CD200R1: variants seen among roughly 807,000 people sequenced by gnomAD.
CD200R1 encodes the protein CD200 receptor 1, also known as cell surface glycoprotein CD200 receptor 1.
A neutral mutation model predicts 38.1 loss-of-function variants in CD200R1; 30 were observed. That is an observed-to-expected ratio of 0.79 (90% CI 0.59 to 1.07). CD200R1 has a LOEUF of 1.07. Among genes scored for constraint, CD200R1 ranks in the 50% least tolerant of loss-of-function variants. The pLI, the probability that CD200R1 is intolerant of heterozygous loss-of-function variation, is 0.00. For missense variants in CD200R1, 372 were observed against 415.4 expected, an observed-to-expected ratio of 0.90 and a Z score of 0.91; for synonymous variants, 128 against 152.1, an observed-to-expected ratio of 0.84 and a Z score of 1.16.
chr3:112,975,002 T>G lies in CD200R1; in HGVS notation c.-145A>C, dbSNP rs1933407626. 1.6e-6 allele frequency: 1 copy of G among 644,832 alleles called. No individual in the cohort carries two copies. Among genetic ancestry groups the G allele is most frequent in the Non-Finnish European group, 2.8e-6 (1 of 360,826 alleles). 39.9% of individuals were successfully genotyped at this position (644,832 alleles called of 1,614,324 possible). A position where few individuals can be genotyped will look rare whatever the true frequency, so the allele number is the denominator to read the frequency against. On this transcript the variant is annotated 5_prime_UTR_variant, in exon 1 of 8. Coordinates refer to ENST00000308611, the MANE Select transcript of CD200R1 (RefSeq NM_138806.4). ...CATCAACAGTGGGGCACTCCCTTCC[T>G]TCTAGCCCCTTCCTTCACGTCTATG...
Position 112,924,960 on chromosome 3 carries a change from C to A in CD200R1, c.878+125G>T, listed in dbSNP as rs1940248680. ...GTAGTCCAAGTCTATCTAACACCTTCAAGATTTGATTATGGGAGATTTGAT... is the reference window on the plus strand; with the variant it reads ...GTAGTCCAAGTCTATCTAACACCTTAAAGATTTGATTATGGGAGATTTGAT... On this transcript the variant is annotated intron_variant, in intron 6 of 7. Coordinates refer to ENST00000308611, the MANE Select transcript of CD200R1 (RefSeq NM_138806.4). 3 of 676,192 alleles carry A rather than the reference C, an allele frequency of 4.4e-6. No homozygotes were observed. In the South Asian group the frequency reaches 5.3e-5, roughly 12 times the overall value. 41.9% of individuals were successfully genotyped at this position (676,192 alleles called of 1,614,324 possible).
chr3:112,953,848 T>G (rs1471910332), intron 1 of CD200R1, among the ~76,000 whole-genome samples: 1 of 152,120 alleles, frequency 6.6e-6, no homozygotes, highest in African/African-American at 2.4e-5. Flanking sequence ...TTTCTCAATT[T>G]ATCAGCTATA....
intron 5 of CD200R1, among the ~76,000 whole-genome samples, chr3:112,927,036 C>T (rs1251605408): frequency 6.6e-6 from 1 of 152,066 alleles, no homozygotes; most frequent in African/African-American, 2.4e-5. Context: ...GTCTTGAGAA[C>T]AGGCAGGTTC....
At chr3:112,941,855 C>CTACCAAGGTACCTTCT (rs1940735979) in intron 2 of CD200R1, among the ~76,000 whole-genome samples, 1 of 151,238 alleles carries the variant, frequency 6.6e-6, no homozygotes, top group African/African-American at 2.4e-5. Context: ...AACACCTTAC[C>CTACCAAGGTACCTTCT]TACCAAGAAG....
intron 6 of CD200R1, among the ~76,000 whole-genome samples, chr3:112,924,781 A>G (rs182038485): frequency 6.6e-6 from 1 of 152,228 alleles, no homozygotes; most frequent in East Asian, 1.9e-4. Flanking sequence ...GAATGCATGT[A>G]ACATCTCCTC....
At chr3:112,932,621 A>AC (rs1264741832) in intron 2 of CD200R1, among the ~76,000 whole-genome samples, 1 of 151,370 alleles carries the variant, frequency 6.6e-6, no homozygotes, top group East Asian at 1.9e-4. Flanking sequence ...TGGCAGATAC[A>AC]CCCCCATGAC....
At position 112,925,160 on chromosome 3, in the gene CD200R1, A is replaced by G; in HGVS notation, c.803T>C (p.Ile268Thr). Residue 268 changes from isoleucine to threonine, a missense_variant, in exon 6 of 8, where the codon ATT (isoleucine) becomes ACT (threonine). Coordinates refer to ENST00000308611, the MANE Select transcript of CD200R1 (RefSeq NM_138806.4). Reference protein sequence around the residue: ...PGAKKSAKLYIPYIILTIIIL... With the variant: ...PGAKKSAKLYTPYIILTIIIL... ...AATAATAGTAAGGATGATATATGGAATATATAATTTTGCTGATTTTTTGGC... is the reference window on the plus strand; with the variant it reads ...AATAATAGTAAGGATGATATATGGAGTATATAATTTTGCTGATTTTTTGGC... 1 of 1,605,200 alleles carries G rather than the reference A, an allele frequency of 6.2e-7. No individual in the cohort carries two copies. The highest frequency in any genetic ancestry group is 8.5e-7 in the Non-Finnish European group (1 of 1,173,478).
chr3:112,965,702 A>G (rs1487258996), intron 1 of CD200R1, among the ~76,000 whole-genome samples: 2 of 152,128 alleles, frequency 1.3e-5, no homozygotes, highest in African/African-American at 4.8e-5. Context: ...CAGAGGTTGC[A>G]GTTAGCCGAG....
chr3:112,973,433 A>G (rs1933358660), intron 1 of CD200R1, among the ~76,000 whole-genome samples: 1 of 152,226 alleles, frequency 6.6e-6, no homozygotes, highest in Admixed American at 6.5e-5. Context: ...ACTGATGTAT[A>G]TCATTACTGA....
In CD200R1 at chr3:112,925,070, T is replaced by C. The variant is rs958116619; in HGVS notation, c.878+15A>G. 4 of 1,441,876 alleles carry C rather than the reference T, an allele frequency of 2.8e-6. No homozygotes were observed. In the African/African-American group the frequency reaches 4.2e-5, roughly 15 times the overall value. 89.3% of individuals were successfully genotyped at this position (1,441,876 alleles called of 1,614,324 possible). On this transcript the variant is annotated intron_variant, in intron 6 of 7. Transcript: ENST00000308611. The stretch of plus-strand genomic sequence containing the variant: ...AATAAAGCTGAAGAAGAAAAAAACA[T>C]TCATTAGTCAATACCTGCAGCCATT...
At chr3:112,959,121 G>C (rs1020496213) in intron 1 of CD200R1, among the ~76,000 whole-genome samples, 1 of 152,064 alleles carries the variant, frequency 6.6e-6, no homozygotes, top group Non-Finnish European at 1.5e-5. Flanking sequence ...TTTCTGCAAC[G>C]TCACCATTCC....
At position 112,961,773 on chromosome 3, in the gene CD200R1, A is replaced by T. The variant is rs565965926; in HGVS notation, c.67+13018T>A. Among the ~76,000 whole-genome samples the T allele has an allele frequency of 2.6e-5, 4 of 152,282 alleles. No homozygotes were observed. In the South Asian group the frequency reaches 8.3e-4, roughly 32 times the overall value. ...CAACATTTAAAACAAAGAAAGATTAATTTTCTTCAAAAAATATGCTGAAAA... is the reference window on the plus strand; with the variant it reads ...CAACATTTAAAACAAAGAAAGATTATTTTTCTTCAAAAAATATGCTGAAAA... On this transcript the variant is annotated intron_variant, in intron 1 of 7. Transcript: ENST00000308611.
In CD200R1 at chr3:112,928,850, A is replaced by G. The variant is rs1253091648; in HGVS notation, c.735T>C (p.Thr245=). 1 of 1,613,646 alleles carries G rather than the reference A, an allele frequency of 6.2e-7. No individual in the cohort carries two copies. ...GCTCTATGTACAGACTCTTGTTGCC[A>G]GTCAAATGGGAGACGTGGCAGGTCA... ...STVTCHVSHL[T]GNKSLYIELL... Residue 245 remains threonine (T), a synonymous_variant, in exon 5 of 8, where the codon ACT becomes ACC. Transcript: ENST00000308611.
intron 1 of CD200R1, among the ~76,000 whole-genome samples, chr3:112,959,425 G>A (rs1932961141): frequency 6.6e-6 from 1 of 152,084 alleles, no homozygotes; most frequent in Non-Finnish European, 1.5e-5. Flanking sequence ...CTGCAAAAGA[G>A]AACAGTGTAT....
chr3:112,928,662 CCTCAA>C (rs1940335649), intron 5 of CD200R1, among the ~76,000 whole-genome samples, 149 bp downstream of exon 5: 1 of 152,136 alleles, frequency 6.6e-6, no homozygotes, highest in Admixed American at 6.6e-5. Context: ...GTACTATTCT[CCTCAA>C]CTCATCTCTT....
intron 1 of CD200R1, among the ~76,000 whole-genome samples, chr3:112,959,753 C>A (rs971264294): frequency 5.3e-5 from 8 of 151,988 alleles, no homozygotes; most frequent in African/African-American, 1.9e-4. Flanking sequence ...AAGTTTCTTT[C>A]AAACTTTAAT....
intron 2 of CD200R1, among the ~76,000 whole-genome samples, chr3:112,945,293 G>A (rs1940822355): frequency 6.6e-6 from 1 of 152,146 alleles, no homozygotes; most frequent in African/African-American, 2.4e-5. Context: ...CAAAGTTTGA[G>A]GCCTGACACT....
chr3:112,953,424 G>A (rs1941014652), intron 1 of CD200R1, among the ~76,000 whole-genome samples: 1 of 152,086 alleles, frequency 6.6e-6, no homozygotes, highest in South Asian at 2.1e-4. Context: ...CTTTTTATCT[G>A]GCGTCCTTGT....
intron 1 of CD200R1, among the ~76,000 whole-genome samples, chr3:112,971,410 C>G (rs1933306487): frequency 6.6e-6 from 1 of 152,144 alleles, no homozygotes; most frequent in Admixed American, 6.5e-5. Context: ...TTCCAAGTAT[C>G]TGTAGGAATT....
Sources: gnomAD v4.1 joint callset for allele counts (sites outside exome capture counted in the v4.1 genomes callset) on GRCh38, gnomAD v4.1.1 for gene constraint, MANE v1.5 for transcripts, NCBI Gene and HGNC (gene_info 2026-07-23, HGNC 2026-07-21) for gene names.